Variants in ANOS1 observed in about 807,000 individuals in gnomAD.
ANOS1 encodes anosmin-1.
In ANOS1, 6 loss-of-function variants were observed where a neutral mutation model predicts 59.0. The observed-to-expected ratio is 0.10, with a 90% CI of 0.06 to 0.20. ANOS1 has a LOEUF of 0.20. ANOS1 is among the 10% of genes least tolerant of loss of function. ANOS1 has a pLI of 1.00. For missense variants in ANOS1, 433 were observed against 542.3 expected (o/e 0.80, Z 2.00); for synonymous variants, 217 against 223.4 (o/e 0.97, Z 0.25).
intron 13 of ANOS1, among the ~76,000 whole-genome samples, chrX:8,533,692 TA>T (rs1250810562): frequency 8.9e-6 from 1 of 112,068 alleles, no homozygotes; most frequent in African/African-American, 3.2e-5. Context: ...ATTTTCTTTT[TA>T]AATTTTACTT....
At chrX:8,569,074 A>G (rs1930172370) in intron 7 of ANOS1, among the ~76,000 whole-genome samples, 1 of 111,754 alleles carries the variant, frequency 8.9e-6, no homozygotes, top group African/African-American at 3.3e-5. Flanking sequence ...TCTGTTCTAA[A>G]TTTTCTAGGA....
At chrX:8,638,520 C>T (rs1333155345) in intron 2 of ANOS1, among the ~76,000 whole-genome samples, 1 of 111,765 alleles carries the variant, frequency 8.9e-6, no homozygotes, top group South Asian at 3.7e-4. Context: ...TAAGCCATTA[C>T]AATACAGTGG....
intron 1 of ANOS1, among the ~76,000 whole-genome samples, chrX:8,719,948 CT>C (rs1349434064): frequency 1.8e-5 from 2 of 111,615 alleles, no homozygotes; most frequent in Non-Finnish European, 3.8e-5. Flanking sequence ...TCAGACTCCC[CT>C]GAGGAGAGGT....
At chrX:8,699,289 C>G (rs1448283645) in intron 2 of ANOS1, among the ~76,000 whole-genome samples, 1 of 111,683 alleles carries the variant, frequency 9.0e-6, no homozygotes, top group African/African-American at 3.2e-5. Flanking sequence ...CCAGCAATTC[C>G]TACAAAGAAA....
In ANOS1 at chrX:8,680,722, G is replaced by C. The variant is rs1404074691; in HGVS notation, c.255+18976C>G. 2.7e-5 allele frequency among the ~76,000 whole-genome samples: 3 copies of C among 111,586 alleles called. No homozygotes were observed. The East Asian group carries it at 8.4e-4, about 31-fold the overall frequency. Reference sequence around the variant, plus strand: ...CGTCATTCTCTCACTCTAGCACTGAGCACTAATCAACTCTCATAATATGTG... The same window carrying C: ...CGTCATTCTCTCACTCTAGCACTGACCACTAATCAACTCTCATAATATGTG... On this transcript the variant is annotated intron_variant, in intron 2 of 13. Transcript: ENST00000262648.
chrX:8,670,716 C>A (rs1932240977), intron 2 of ANOS1, among the ~76,000 whole-genome samples: 1 of 111,747 alleles, frequency 8.9e-6, no homozygotes, highest in Non-Finnish European at 1.9e-5. Flanking sequence ...AGATGTCCAC[C>A]TGCCTGTTTA....
intron 1 of ANOS1, among the ~76,000 whole-genome samples, chrX:8,709,146 G>A (rs955868226): frequency 9.1e-6 from 1 of 109,972 alleles, no homozygotes; most frequent in Non-Finnish European, 1.9e-5. Flanking sequence ...ATAGCATTAG[G>A]AGAAATACCT....
At chrX:8,704,050 G>A (rs1428471369) in intron 1 of ANOS1, among the ~76,000 whole-genome samples, 2 of 110,317 alleles carry the variant, frequency 1.8e-5, no homozygotes, top group African/African-American at 6.6e-5. Flanking sequence ...TCTCGTGATA[G>A]TAAGTCTCAC....
In ANOS1 at chrX:8,568,301, A is replaced by T; in HGVS notation, c.1138T>A (p.Trp380Arg). The T allele has an allele frequency of 8.3e-7, 1 of 1,209,384 alleles. No individual in the cohort carries two copies. Among genetic ancestry groups the T allele is most frequent in the South Asian group, 1.8e-5 (1 of 56,914 alleles). ...GCACTCTTCAGCCGTGTCTGTCCCC[A>T]GTACGTTATGGCTTGCAATTCCACA... ...YVVELQAITY[W>R]GQTRLKSAKV... The change falls in exon 8 of 14, where the codon TGG becomes AGG. Residue 380 changes from tryptophan (W) to arginine (R), a missense_variant. Transcript: ENST00000262648.
chrX:8,580,404 A>AT (rs918761931), intron 6 of ANOS1, among the ~76,000 whole-genome samples: 9 of 111,857 alleles, frequency 8.0e-5, no homozygotes, highest in African/African-American at 2.9e-4. Flanking sequence ...ATATTTATGC[A>AT]TTTTTTCTGG....
chrX:8,540,358 C>T lies in ANOS1; in HGVS notation c.1355-600G>A, dbSNP rs185021648. 1.1e-3 allele frequency among the ~76,000 whole-genome samples: 123 copies of T among 111,433 alleles called. 1 individual carries two copies. The highest frequency in any genetic ancestry group is 2.2e-3 in the Admixed American group (23 of 10,429). ...TAGGGACGTATGCTTCCCACTCTCC[C>T]TTAACCAAGCGCATCGTGGCATTTC... On this transcript the variant is annotated intron_variant, in intron 9 of 13. Coordinates refer to ENST00000262648, the MANE Select transcript of ANOS1 (RefSeq NM_000216.4).
intron 2 of ANOS1, among the ~76,000 whole-genome samples, chrX:8,659,011 G>A (rs887562410): frequency 2.7e-5 from 3 of 111,449 alleles, no homozygotes; most frequent in African/African-American, 9.8e-5. Context: ...GGCGGATCAC[G>A]TCAGGAGTTT....
intron 8 of ANOS1, among the ~76,000 whole-genome samples, chrX:8,562,934 G>GT: frequency 8.9e-6 from 1 of 112,370 alleles, no homozygotes. Flanking sequence ...CCTATAAAAT[G>GT]TAATTTCCCT....
Position 8,587,820 on chromosome X carries a change from C to T in ANOS1, c.700G>A (p.Ala234Thr). Residue 234 changes from alanine (A) to threonine (T), a missense_variant, in exon 5 of 14, where the codon GCC becomes ACC. Ala to Thr is a moderately conservative substitution (Grantham distance 58, BLOSUM62 0). Coordinates refer to ENST00000262648, the MANE Select transcript of ANOS1 (RefSeq NM_000216.4). Reference sequence around the variant, plus strand: ...TGGGCCACTGTCTGCCAGTGAGTGGCGTCATCTTCGCTAGGATGGATTCCA... The same window carrying T: ...TGGGCCACTGTCTGCCAGTGAGTGGTGTCATCTTCGCTAGGATGGATTCCA... ...NYGIHPSEDD[A>T]THWQTVAQTT... 2.5e-6 allele frequency: 3 copies of T among 1,203,862 alleles called. No homozygotes were observed. Among genetic ancestry groups the T allele is most frequent in the Non-Finnish European group, 3.4e-6 (3 of 890,858 alleles).
rs764396630 is a variant in ANOS1, at chrX:8,639,513, C to T, written c.256-15843G>A. On this transcript the variant is annotated intron_variant, in intron 2 of 13. Coordinates refer to ENST00000262648, the MANE Select transcript of ANOS1 (RefSeq NM_000216.4). ...CTGCTGATAATGTACCCTCACTTCACCAAGAGGAAACAGATTTGCTTTATT... is the reference window on the plus strand; with the variant it reads ...CTGCTGATAATGTACCCTCACTTCATCAAGAGGAAACAGATTTGCTTTATT... Among the ~76,000 whole-genome samples, 6 of 111,780 alleles carry T rather than the reference C, an allele frequency of 5.4e-5. No homozygotes were observed. In the South Asian group the frequency reaches 1.9e-3, roughly 35 times the overall value.
chrX:8,605,788 T>C (rs181232313), intron 3 of ANOS1, among the ~76,000 whole-genome samples: 1 of 111,827 alleles, frequency 8.9e-6, no homozygotes, highest in East Asian at 2.8e-4. Context: ...GAATATAGCT[T>C]CTGCTTCTGA....
At chrX:8,617,285 C>T (rs1931193183) in intron 3 of ANOS1, among the ~76,000 whole-genome samples, 1 of 112,248 alleles carries the variant, frequency 8.9e-6, no homozygotes, top group South Asian at 3.7e-4. Context: ...ATTTAATTAT[C>T]ACTTTAAATT....
At chrX:8,668,063 G>T (rs1036379266) in intron 2 of ANOS1, among the ~76,000 whole-genome samples, 10 of 109,448 alleles carry the variant, frequency 9.1e-5, no homozygotes, top group African/African-American at 3.3e-4. Context: ...GGTTATTGGG[G>T]AACAGGTGGT....
intron 3 of ANOS1, among the ~76,000 whole-genome samples, chrX:8,623,000 G>C (rs936504758): frequency 1.8e-5 from 2 of 108,588 alleles, no homozygotes; most frequent in Admixed American, 1.0e-4. Flanking sequence ...TGGATAGCCG[G>C]ATGGATGGAT....
Sources: allele counts gnomAD v4.1 joint callset (sites outside exome capture counted in the v4.1 genomes callset), GRCh38; gene constraint gnomAD v4.1.1; transcripts MANE v1.5; gene names NCBI Gene and HGNC (gene_info 2026-07-23, HGNC 2026-07-21).